The following KIF5B variants were observed in gnomAD, a reference collection of about 807,000 sequenced individuals.
KIF5B encodes kinesin family member 5B.
Under a neutral mutation model 132.8 loss-of-function variants are expected in KIF5B, and 49 were observed. That is an observed-to-expected ratio of 0.37 (90% confidence interval 0.29 to 0.47). The LOEUF (loss-of-function observed/expected upper bound fraction) is 0.47, where lower values mean the gene tolerates loss of function less well. KIF5B is among the 20% of genes least tolerant of loss of function. The pLI, the probability that KIF5B is intolerant of heterozygous loss-of-function variation, is 1.00. For synonymous variants in KIF5B, 355 were observed against 369.4 expected (o/e 0.96, Z 0.45); for missense variants, 780 against 1,144.0 (o/e 0.68, Z 4.59).
chr10:32,025,000 C>A (rs1426251773), intron 15 of KIF5B, among the ~76,000 whole-genome samples: 1 of 152,144 alleles, frequency 6.6e-6, no homozygotes, highest in East Asian at 1.9e-4. Flanking sequence ...TCACTTGAAC[C>A]CAGGAGGCGG....
chr10:32,019,809 C>T lies in KIF5B; in HGVS notation c.2306+49G>A, dbSNP rs746779108. On this transcript the variant is annotated intron_variant, in intron 20 of 25. Coordinates refer to ENST00000302418, the MANE Select transcript of KIF5B (RefSeq NM_004521.3). ...ATATCCAAAGGTAATGCCTATAATCCTCTAATTTAGCTTTTATTTTTAAAC... is the reference window on the plus strand; with the variant it reads ...ATATCCAAAGGTAATGCCTATAATCTTCTAATTTAGCTTTTATTTTTAAAC... The T allele has an allele frequency of 9.2e-6, 12 of 1,298,910 alleles. No individual in the cohort carries two copies. The South Asian group carries it at 1.1e-4, about 12-fold the overall frequency. 80.5% of individuals were successfully genotyped at this position (1,298,910 alleles called of 1,614,324 possible). A position where few individuals can be genotyped will look rare whatever the true frequency, so the allele number is the denominator to read the frequency against.
intron 6 of KIF5B, 30 bp from the exon 7 acceptor site, chr10:32,037,637 T>C (rs1841478019): frequency 6.7e-7 from 1 of 1,500,510 alleles, no homozygotes; most frequent in Non-Finnish European, 9.2e-7. Flanking sequence ...AATATGTTAA[T>C]GTCTGGCCAA....
Position 32,037,623 on chromosome 10 carries a change from T to C in KIF5B, c.499-16A>G. 6.4e-7 allele frequency: 1 copy of C among 1,562,440 alleles called. No homozygotes were observed. The highest frequency in any genetic ancestry group is 8.8e-7 in the Non-Finnish European group (1 of 1,135,310). On this transcript the variant is annotated splice_polypyrimidine_tract_variant and intron_variant, in intron 6 of 25. Transcript: ENST00000302418. ...CTGTGCACCCCTGTGAAATAATTTT[T>C]AAAAATATGTTAATGTCTGGCCAAC...
Position 32,038,180 on chromosome 10 carries a change from G to A in KIF5B, c.481C>T (p.Arg161Ter), listed in dbSNP as rs754110567. 5.6e-6 allele frequency: 9 copies of A among 1,604,212 alleles called. No individual in the cohort carries two copies. Among genetic ancestry groups the A allele is most frequent in the Admixed American group, 1.7e-5 (1 of 59,662 alleles). The change falls in exon 6 of 26, where the codon CGA becomes TGA. Residue 161 changes from arginine (R) to a stop codon, truncating the protein, a stop_gained. Coordinates refer to ENST00000302418, the MANE Select transcript of KIF5B (RefSeq NM_004521.3). LOFTEE classifies it high-confidence loss of function. ...ATAAATACCTTTACATAGGGAACTC[G>A]GTTTTTGTCTTCATGAACTGAAAGG... ...TNLSVHEDKNRVPYVKGCTER... is the reference protein window; with the variant it reads ...TNLSVHEDKN
intron 8 of KIF5B, among the ~76,000 whole-genome samples, chr10:32,036,214 C>T (rs1051626268): frequency 1.3e-5 from 2 of 152,090 alleles, no homozygotes; most frequent in African/African-American, 4.8e-5. Context: ...TGTAGGTACT[C>T]TTGAAAATAA....
intron 15 of KIF5B, among the ~76,000 whole-genome samples, chr10:32,027,997 G>A (rs181548953): frequency 6.6e-6 from 1 of 150,936 alleles, no homozygotes; most frequent in Non-Finnish European, 1.5e-5. Flanking sequence ...TCTGGAGACA[G>A]CATCTTGATC....
At chr10:32,014,860 C>T (rs957660499) in intron 25 of KIF5B, among the ~76,000 whole-genome samples, 68 of 152,324 alleles carry the variant, frequency 4.5e-4, no homozygotes, top group Middle Eastern at 3.4e-3. Flanking sequence ...CGGTGGCTCA[C>T]GCCTCTAATT....
Position 32,028,512 on chromosome 10 carries a change from C to G in KIF5B, c.1641G>C (p.Gln547His). Residue 547 changes from glutamine (Q) to histidine (H), a missense_variant, in exon 15 of 26, where the codon CAG becomes CAC. Gln to His is a conservative substitution (Grantham distance 24). This residue lies in a region of KIF5B where 471 missense variants were observed against 569.9 expected (regional missense o/e 0.83). Coordinates refer to ENST00000302418, the MANE Select transcript of KIF5B (RefSeq NM_004521.3). ...LQKLKEMTNH[Q>H]KKRAAEMMAS... ...CCATCATCTCAGCTGCTCGTTTTTTCTGGTGGTTGGTCATTTCCTTAAGTT... is the reference window on the plus strand; with the variant it reads ...CCATCATCTCAGCTGCTCGTTTTTTGTGGTGGTTGGTCATTTCCTTAAGTT... 1 of 1,613,738 alleles carries G rather than the reference C, an allele frequency of 6.2e-7. No homozygotes were observed. Among genetic ancestry groups the G allele is most frequent in the Non-Finnish European group, 8.5e-7 (1 of 1,179,790 alleles).
At chr10:32,038,107 CT>C in intron 6 of KIF5B, 55 bp downstream of exon 6, 2 of 1,024,994 alleles carry the variant, frequency 2.0e-6, no homozygotes, top group Non-Finnish European at 2.9e-6. Context: ...GAGACTCTGT[CT>C]TAAAAAAAAA....
intron 2 of KIF5B, among the ~76,000 whole-genome samples, chr10:32,042,687 T>C (rs1011732298): frequency 5.3e-5 from 8 of 152,198 alleles, no homozygotes; most frequent in Non-Finnish European, 1.0e-4. Context: ...AATATACTTT[T>C]GCCATTCCTA....
Position 32,017,203 on chromosome 10 carries a change from G to T in KIF5B, c.2701C>A (p.Arg901Ser), listed in dbSNP as rs755716349. The change falls in exon 24 of 26, where the codon CGC becomes AGC. Residue 901 changes from arginine to serine, a missense_variant. Physicochemically the swap from Arg to Ser is moderately radical, Grantham distance 110. Coordinates refer to ENST00000302418, the MANE Select transcript of KIF5B (RefSeq NM_004521.3). ...TTTGACCTGACTGCTTCCTTTATGC[G>T]ATCTACTTCTTGCTGATAGCGTTTG... ...DRKRYQQEVD[R>S]IKEAVRSKNM... The T allele has an allele frequency of 6.2e-7, 1 of 1,614,176 alleles. No homozygotes were observed. The highest frequency in any genetic ancestry group is 1.1e-5 in the South Asian group (1 of 91,082).
intron 25 of KIF5B, among the ~76,000 whole-genome samples, chr10:32,015,025 G>A (rs956463554): frequency 2.0e-5 from 3 of 152,124 alleles, no homozygotes; most frequent in African/African-American, 7.2e-5. Context: ...GGGAGGCTGA[G>A]GCAGGGGTAT....
intron 1 of KIF5B, among the ~76,000 whole-genome samples, chr10:32,050,581 T>A (rs182794074): frequency 6.6e-6 from 1 of 152,212 alleles, no homozygotes; most frequent in African/African-American, 2.4e-5. Context: ...ATCCAGGCTT[T>A]TTGTTATGTG....
chr10:32,022,668 C>T (rs573378792), intron 16 of KIF5B, among the ~76,000 whole-genome samples, 180 bp downstream of exon 16: 1 of 152,074 alleles, frequency 6.6e-6, no homozygotes, highest in Non-Finnish European at 1.5e-5. Context: ...CTATACATAA[C>T]CCATATTTAT....
chr10:32,026,452 A>AAAAAAAAAAG, intron 15 of KIF5B, among the ~76,000 whole-genome samples: 1 of 150,210 alleles, frequency 6.7e-6, no homozygotes, highest in Non-Finnish European at 1.5e-5. Context: ...AAAAAAAAAA[A>AAAAAAAAAAG]AAAAAAAAAG....
chr10:32,031,273 C>G lies in KIF5B; in HGVS notation c.1381G>C (p.Ala461Pro). 1 of 1,613,018 alleles carries G rather than the reference C, an allele frequency of 6.2e-7. No homozygotes were observed. The highest frequency in any genetic ancestry group is 8.5e-7 in the Non-Finnish European group (1 of 1,179,348). The change falls in exon 14 of 26, where the codon GCA becomes CCA. Residue 461 changes from alanine (A) to proline (P), a missense_variant. Physicochemically the swap from Ala to Pro is conservative, Grantham distance 27 (BLOSUM62 -1). Around this residue, in one of 9 missense-constraint regions of KIF5B, gnomAD observed 471 missense variants for 569.9 expected, o/e 0.83. Coordinates refer to ENST00000302418, the MANE Select transcript of KIF5B (RefSeq NM_004521.3). ...TTGTCTTGATCCCTTCTGGTAGATG[C>G]CAAAAGCTATAGGACAGAAAATAAT... The part of the protein sequence containing the change: ...TQMLDQEELL[A>P]STRRDQDNMQ...
chr10:32,028,581 C>A lies in KIF5B; in HGVS notation c.1582-10G>T, dbSNP rs1486265523. On this transcript the variant is annotated splice_polypyrimidine_tract_variant and intron_variant, in intron 14 of 25. Coordinates refer to ENST00000302418, the MANE Select transcript of KIF5B (RefSeq NM_004521.3). ...TACTCGCTAAAGTTGCCTAAGAGAA[C>A]CCAAAACAAAAAGTATAGTTAAATC... The A allele has an allele frequency of 1.9e-6, 3 of 1,597,624 alleles. No individual in the cohort carries two copies. Among genetic ancestry groups the A allele is most frequent in the South Asian group, 1.1e-5 (1 of 87,894 alleles).
At chr10:32,043,646 A>G (rs1194966951) in intron 2 of KIF5B, among the ~76,000 whole-genome samples, 2 of 152,242 alleles carry the variant, frequency 1.3e-5, no homozygotes, top group Non-Finnish European at 2.9e-5. Flanking sequence ...AACACAAGGG[A>G]AACAAATCAC....
chr10:32,050,092 G>C (rs1388332424), intron 1 of KIF5B, among the ~76,000 whole-genome samples: 1 of 152,104 alleles, frequency 6.6e-6, no homozygotes, highest in Non-Finnish European at 1.5e-5. Flanking sequence ...GGAAAGGAAG[G>C]AAGTTGGGCC....
Sources: gnomAD v4.1 joint callset for allele counts (sites outside exome capture counted in the v4.1 genomes callset) on GRCh38, gnomAD v4.1.1 for gene constraint, gnomAD v4.1.1 regional missense constraint, MANE v1.5 for transcripts, NCBI Gene and HGNC (gene_info 2026-07-23, HGNC 2026-07-21) for gene names.